ATF7IP: variants seen among roughly 807,000 people sequenced by gnomAD.
ATF7IP encodes the protein activating transcription factor 7 interacting protein.
A neutral mutation model predicts 106.4 loss-of-function variants in ATF7IP; 23 were observed. The observed-to-expected ratio is 0.22, with a 90% CI of 0.16 to 0.31. The LOEUF is 0.31. Among genes scored for constraint, ATF7IP ranks in the 10% least tolerant of loss-of-function variants. ATF7IP has a pLI of 1.00. For synonymous variants in ATF7IP, 542 were observed against 539.0 expected (o/e 1.01, Z -0.08); for missense variants, 1,334 against 1,524.3 (o/e 0.88, Z 2.08).
chr12:14,493,486 A>G (rs1282723733), intron 13 of ATF7IP, among the ~76,000 whole-genome samples: 2 of 152,162 alleles, frequency 1.3e-5, no homozygotes, highest in African/African-American at 2.4e-5. Context: ...CTTGCCTCAC[A>G]TATCACAGGC....
chr12:14,453,829 T>C (rs2136691510), intron 6 of ATF7IP, among the ~76,000 whole-genome samples: 1 of 152,252 alleles, frequency 6.6e-6, no homozygotes, highest in South Asian at 2.1e-4. Flanking sequence ...TTCACCATTT[T>C]GGCTAGGCTG....
chr12:14,474,601 A>G (rs769504253), intron 10 of ATF7IP, among the ~76,000 whole-genome samples: 3 of 151,866 alleles, frequency 2.0e-5, no homozygotes, highest in Non-Finnish European at 4.4e-5. Flanking sequence ...GGGTTTCACT[A>G]TATTGGCCAG....
chr12:14,424,735 C>G lies in ATF7IP; in HGVS notation c.820C>G (p.Leu274Val). 1 of 1,614,136 alleles carries G rather than the reference C, an allele frequency of 6.2e-7. No individual in the cohort carries two copies. Among genetic ancestry groups the G allele is most frequent in the Non-Finnish European group, 8.5e-7 (1 of 1,180,010 alleles). ...CTCTGATGATCTGGCCACTGGTGAACTGGCCTCTGATGAGCTGACTTCTGA... is the reference window on the plus strand; with the variant it reads ...CTCTGATGATCTGGCCACTGGTGAAGTGGCCTCTGATGAGCTGACTTCTGA... Reference protein sequence around the residue: ...LASDDLATGELASDELTSEST... With the variant: ...LASDDLATGEVASDELTSEST... Residue 274 changes from leucine (L) to valine (V), a missense_variant, in exon 2 of 15, where the codon CTG becomes GTG. This residue lies in a region of ATF7IP where 438 missense variants were observed against 405.3 expected (regional missense o/e 1.08). Coordinates refer to ENST00000261168, the MANE Select transcript of ATF7IP (RefSeq NM_018179.5).
intron 8 of ATF7IP, among the ~76,000 whole-genome samples, chr12:14,459,414 C>T (rs186843745): frequency 6.6e-6 from 1 of 152,218 alleles, no homozygotes; most frequent in Admixed American, 6.5e-5. Context: ...TAGTTTTTAC[C>T]GCTGTATCAT....
At chr12:14,490,275 GTT>G (rs1944768775) in intron 13 of ATF7IP, among the ~76,000 whole-genome samples, 1 of 152,166 alleles carries the variant, frequency 6.6e-6, no homozygotes, top group Non-Finnish European at 1.5e-5. Context: ...CTCTGCTGAG[GTT>G]ACCCATTGGT....
At chr12:14,465,868 C>T (rs1465359221) in intron 9 of ATF7IP, among the ~76,000 whole-genome samples, 7 of 152,138 alleles carry the variant, frequency 4.6e-5, no homozygotes, top group Admixed American at 4.6e-4. Context: ...CATTTAAAAA[C>T]TCCATGTTAC....
At chr12:14,456,668 C>A (rs751230405) in intron 7 of ATF7IP, 34 bp downstream of exon 7, 1 of 1,440,388 alleles carries the variant, frequency 6.9e-7, no homozygotes, top group Non-Finnish European at 9.7e-7. Flanking sequence ...TTTTTAAAAA[C>A]AGAACAAAGT....
chr12:14,486,010 G>C (rs1944597629), intron 13 of ATF7IP, among the ~76,000 whole-genome samples: 1 of 152,160 alleles, frequency 6.6e-6, no homozygotes, highest in Non-Finnish European at 1.5e-5. Context: ...CTATTTTTTA[G>C]AGGCAGCTCT....
chr12:14,463,979 T>A (rs4237950), intron 9 of ATF7IP, among the ~76,000 whole-genome samples: 150,180 of 152,336 alleles, frequency 0.99, 74,077 homozygotes, highest in Middle Eastern at 1. Context: ...TACAATGTAC[T>A]CTCTCAGATT....
chr12:14,430,078 G>T (rs1188362504), intron 2 of ATF7IP, among the ~76,000 whole-genome samples: 1 of 152,176 alleles, frequency 6.6e-6, no homozygotes, highest in Admixed American at 6.5e-5. Flanking sequence ...TGTGCTTTTG[G>T]CATTTCAGTG....
chr12:14,497,255 G>C (rs967254742), intron 14 of ATF7IP, among the ~76,000 whole-genome samples: 1 of 151,954 alleles, frequency 6.6e-6, no homozygotes, highest in African/African-American at 2.4e-5. Flanking sequence ...TATGATCTTG[G>C]TTGCCATACA....
At chr12:14,389,111 C>G (rs559682007) in intron 1 of ATF7IP, among the ~76,000 whole-genome samples, 1 of 152,174 alleles carries the variant, frequency 6.6e-6, no homozygotes, top group Admixed American at 6.5e-5. Context: ...AAATGCATTT[C>G]AGTTTATTTG....
intron 1 of ATF7IP, among the ~76,000 whole-genome samples, chr12:14,368,763 T>C (rs1373953050): frequency 6.6e-6 from 1 of 152,198 alleles, no homozygotes; most frequent in African/African-American, 2.4e-5. Context: ...GTGAATTAGC[T>C]GTTTGACTTT....
At chr12:14,388,250 C>T (rs1939352529) in intron 1 of ATF7IP, among the ~76,000 whole-genome samples, 1 of 151,476 alleles carries the variant, frequency 6.6e-6, no homozygotes, top group Admixed American at 6.6e-5. Flanking sequence ...AAGTTTCTTC[C>T]TGTTGGTTAG....
Position 14,497,882 on chromosome 12 carries a change from A to C in ATF7IP, c.3622A>C (p.Thr1208Pro). 1 of 1,614,184 alleles carries C rather than the reference A, an allele frequency of 6.2e-7. No homozygotes were observed. The highest frequency in any genetic ancestry group is 8.5e-7 in the Non-Finnish European group (1 of 1,180,032). Residue 1208 changes from threonine (T) to proline (P), a missense_variant, in exon 15 of 15, where the codon ACT becomes CCT. By Grantham distance (38) the Thr-to-Pro change is conservative. Around this residue, in one of 10 missense-constraint regions of ATF7IP, gnomAD observed 80 missense variants for 157.0 expected, o/e 0.51. Coordinates refer to ENST00000261168, the MANE Select transcript of ATF7IP (RefSeq NM_018179.5). ...TGCTTACCATGAGGAACCCAGTGCC[A>C]CTGTGCCCTCACAATGGAAAAAGAT... is the stretch of plus-strand genomic sequence containing the variant. ...LYAYHEEPSA[T>P]VPSQWKKIGE...
chr12:14,475,213 A>G (rs910334804), intron 10 of ATF7IP, among the ~76,000 whole-genome samples: 5 of 152,236 alleles, frequency 3.3e-5, no homozygotes, highest in African/African-American at 4.8e-5. Flanking sequence ...CAATATTCAA[A>G]TATTGGAAAT....
chr12:14,486,819 A>C (rs985101720), intron 13 of ATF7IP, among the ~76,000 whole-genome samples: 1 of 151,886 alleles, frequency 6.6e-6, no homozygotes, highest in African/African-American at 2.4e-5. Context: ...TTTGTAGTTC[A>C]GTGACTAAGG....
intron 1 of ATF7IP, among the ~76,000 whole-genome samples, chr12:14,366,459 A>G (rs1361915729): frequency 3.3e-5 from 5 of 152,240 alleles, no homozygotes; most frequent in African/African-American, 1.2e-4. Flanking sequence ...CAAAACAGAA[A>G]CAATTTTAGT....
At chr12:14,410,372 C>T (rs886585103) in intron 1 of ATF7IP, among the ~76,000 whole-genome samples, 1 of 152,102 alleles carries the variant, frequency 6.6e-6, no homozygotes, top group African/African-American at 2.4e-5. Context: ...TCCAGTATGT[C>T]CAGCATATCT....
Sources: allele counts gnomAD v4.1 joint callset (sites outside exome capture counted in the v4.1 genomes callset), GRCh38; gene constraint gnomAD v4.1.1; regional missense constraint gnomAD v4.1.1; transcripts MANE v1.5; gene names NCBI Gene and HGNC (gene_info 2026-07-23, HGNC 2026-07-21).